Variants in RESF1 observed in about 807,000 individuals in gnomAD.
The protein encoded by RESF1 is retroelement silencing factor 1.
Under a neutral mutation model 134.7 loss-of-function variants are expected in RESF1, and 65 were observed. That is an observed-to-expected ratio of 0.48 (90% CI 0.40 to 0.59). The LOEUF (loss-of-function observed/expected upper bound fraction) is 0.59, where lower values mean the gene tolerates loss of function less well. Ranked by LOEUF, RESF1 falls within the 20% of genes least tolerant of loss-of-function variation. RESF1 has a pLI of 0.00. For synonymous variants in RESF1, 762 were observed against 702.2 expected (o/e 1.09, Z -1.35); for missense variants, 2,274 against 2,002.7 (o/e 1.14, Z -2.59).
At chr12:31,980,610 A>G (rs1311514711) in intron 3 of RESF1, among the ~76,000 whole-genome samples, 2 of 152,234 alleles carry the variant, frequency 1.3e-5, no homozygotes, top group Non-Finnish European at 2.9e-5. Context: ...TCTGTTAAAA[A>G]TAAGTAAAAA....
chr12:31,960,389 C>G (rs374934416), intron 1 of RESF1, among the ~76,000 whole-genome samples: 2 of 152,106 alleles, frequency 1.3e-5, no homozygotes, highest in African/African-American at 4.8e-5. Context: ...CATTTTTCTG[C>G]TAAATGTGTT....
intron 5 of RESF1, among the ~76,000 whole-genome samples, chr12:31,988,356 A>G (rs773715591): frequency 2.1e-4 from 32 of 152,224 alleles, no homozygotes; most frequent in Non-Finnish European, 3.7e-4. Flanking sequence ...TAATACAACC[A>G]TAAAAATAGA....
In RESF1 at chr12:31,981,247, G is replaced by C; in HGVS notation, c.292G>C (p.Val98Leu). Residue 98 changes from valine to leucine, a missense_variant, in exon 4 of 6, where the codon GTT (valine) becomes CTT (leucine). Val to Leu is a conservative substitution (Grantham distance 32, BLOSUM62 1). Transcript: ENST00000312561. The stretch of plus-strand genomic sequence containing the variant: ...AGTAGAAAGAATAACATATGCAAAT[G>C]TTAATGGACCCAAACAACTAACTCA... ...TSVERITYAN[V>L]NGPKQLTHNL... 1 of 1,614,152 alleles carries C rather than the reference G, an allele frequency of 6.2e-7. No individual in the cohort carries two copies. Among genetic ancestry groups the C allele is most frequent in the South Asian group, 1.1e-5 (1 of 91,078 alleles).
chr12:31,982,137 A>G lies in RESF1; in HGVS notation c.1182A>G (p.Val394=), dbSNP rs752547484. Residue 394 remains valine (V), a synonymous_variant, in exon 4 of 6, where the codon GTA becomes GTG. Transcript: ENST00000312561. ...CAAGTGTTGCAAAAGAAAAGCTAGTAAGGGATATTAAAACATTAGTAGAGA... is the reference window on the plus strand; with the variant it reads ...CAAGTGTTGCAAAAGAAAAGCTAGTGAGGGATATTAAAACATTAGTAGAGA... The part of the protein sequence containing the change: ...LDTSVAKEKL[V]RDIKTLVEIK... 1.2e-5 allele frequency: 20 copies of G among 1,613,778 alleles called. No individual in the cohort carries two copies. In the Admixed American group the frequency reaches 2.7e-4, roughly 22 times the overall value.
chr12:31,974,400 G>A (rs1939584279), intron 3 of RESF1, among the ~76,000 whole-genome samples: 1 of 152,060 alleles, frequency 6.6e-6, no homozygotes, highest in Non-Finnish European at 1.5e-5. Flanking sequence ...CAGACTGGGT[G>A]GAGAAATTTA....
Position 31,985,093 on chromosome 12 carries a change from G to C in RESF1, c.4138G>C (p.Gly1380Arg). 1 of 1,563,550 alleles carries C rather than the reference G, an allele frequency of 6.4e-7. No homozygotes were observed. The highest frequency in any genetic ancestry group is 8.6e-7 in the Non-Finnish European group (1 of 1,163,392). ...CAAACAAAAACGAAAGTTAGACCAA[G>C]GGAACGTATTAGATATGGAAGTAAA... Reference protein sequence around the residue: ...SFKQKRKLDQGNVLDMEVKKK... With the variant: ...SFKQKRKLDQRNVLDMEVKKK... The change falls in exon 4 of 6, where the codon GGG (glycine) becomes CGG (arginine). Residue 1380 changes from glycine (G) to arginine (R), a missense_variant. Transcript: ENST00000312561.
At chr12:31,968,222 A>T (rs11051706) in intron 2 of RESF1, among the ~76,000 whole-genome samples, 15,936 of 152,214 alleles carry the variant, frequency 0.1, 1,033 homozygotes, top group East Asian at 0.22. Context: ...AGTGGAACTT[A>T]AAAAGCCATA....
chr12:31,985,615 A>G lies in RESF1; in HGVS notation c.4660A>G (p.Lys1554Glu). The change falls in exon 4 of 6, where the codon AAA becomes GAA. Residue 1554 changes from lysine (K) to glutamate (E), a missense_variant. Transcript: ENST00000312561. ...QPDKIWIDKT[K>E]LDKLTNISNE... The stretch of plus-strand genomic sequence containing the variant: ...TGATAAAATATGGATTGATAAGACT[A>G]AATTAGACAAATTAACCAATATAAG... 6.2e-7 allele frequency: 1 copy of G among 1,608,250 alleles called. No individual in the cohort carries two copies. The highest frequency in any genetic ancestry group is 8.5e-7 in the Non-Finnish European group (1 of 1,178,712).
At chr12:31,979,205 C>T (rs1307757217) in intron 3 of RESF1, among the ~76,000 whole-genome samples, 1 of 152,184 alleles carries the variant, frequency 6.6e-6, no homozygotes, top group Admixed American at 6.5e-5. Context: ...CAGGCGTGAG[C>T]CACTGCACCT....
rs1939919445 is a variant in RESF1 at position 31,984,732 on chromosome 12, A to T, written c.3777A>T (p.Thr1259=). 6.2e-7 allele frequency: 1 copy of T among 1,609,124 alleles called. No individual in the cohort carries two copies. The highest frequency in any genetic ancestry group is 8.5e-7 in the Non-Finnish European group (1 of 1,179,002). ...PELQDDSRKD[T]PKTKHKSLPR... ...TACAAGACGACAGTAGAAAAGATAC[A>T]CCCAAAACAAAACATAAAAGCTTAC... is the stretch of plus-strand genomic sequence containing the variant. The change falls in exon 4 of 6, where the codon ACA becomes ACT. Residue 1259 remains threonine (T), a synonymous_variant. Transcript: ENST00000312561.
At position 31,982,015 on chromosome 12, in the gene RESF1, A is replaced by C; in HGVS notation, c.1060A>C (p.Ile354Leu). The part of the protein sequence containing the change: ...TNSKQPFNSP[I>L]RSSVDGVQTL... The stretch of plus-strand genomic sequence containing the variant: ...CAGCAAACAGCCTTTTAACAGTCCC[A>C]TTAGATCTTCTGTGGATGGTGTTCA... Residue 354 changes from isoleucine to leucine, a missense_variant, in exon 4 of 6, where the codon ATT becomes CTT. By Grantham distance (5) the Ile-to-Leu change is conservative. Transcript: ENST00000312561. The C allele has an allele frequency of 6.2e-7, 1 of 1,614,128 alleles. No homozygotes were observed. The highest frequency in any genetic ancestry group is 8.5e-7 in the Non-Finnish European group (1 of 1,179,976).
intron 3 of RESF1, among the ~76,000 whole-genome samples, chr12:31,977,466 C>T (rs557001338): frequency 8.2e-4 from 124 of 152,144 alleles, no homozygotes; most frequent in Non-Finnish European, 1.2e-3. Context: ...GATTTACAGG[C>T]GTGGGCCACC....
chr12:31,976,592 A>G (rs1939638963), intron 3 of RESF1, among the ~76,000 whole-genome samples: 1 of 152,096 alleles, frequency 6.6e-6, no homozygotes. Flanking sequence ...CTGAGACAGG[A>G]GAATCACTTG....
intron 5 of RESF1, among the ~76,000 whole-genome samples, chr12:31,987,969 A>G (rs10844083): frequency 0.17 from 25,829 of 152,050 alleles, 2,425 homozygotes; most frequent in Middle Eastern, 0.26. Flanking sequence ...TCCTGACATC[A>G]GGTAATCCAC....
At chr12:31,977,672 T>G (rs2120822760) in intron 3 of RESF1, among the ~76,000 whole-genome samples, 1 of 152,300 alleles carries the variant, frequency 6.6e-6, no homozygotes, top group Non-Finnish European at 1.5e-5. Context: ...TATATAAAAG[T>G]GTGTGTATGT....
chr12:31,979,132 G>T (rs1032699120), intron 3 of RESF1, among the ~76,000 whole-genome samples: 1 of 152,176 alleles, frequency 6.6e-6, no homozygotes, highest in Admixed American at 6.5e-5. Context: ...GTGTTAGCCA[G>T]GATGGTCTCG....
In RESF1 at chr12:31,984,228, T is replaced by A. The variant is rs1555111859; in HGVS notation, c.3273T>A (p.Asp1091Glu). The change falls in exon 4 of 6, where the codon GAT becomes GAA. Residue 1091 changes from aspartate to glutamate, a missense_variant. Physicochemically the swap from Asp to Glu is conservative, Grantham distance 45. Transcript: ENST00000312561. ...AGACCTCAGAAGATCAAACTGCTGA[T>A]AAAACCAGTTCTGACTCCAAAGACC... is the stretch of plus-strand genomic sequence containing the variant. ...TYQTSEDQTA[D>E]KTSSDSKDPA... 6.2e-7 allele frequency: 1 copy of A among 1,614,052 alleles called. No homozygotes were observed. Among genetic ancestry groups the A allele is most frequent in the Non-Finnish European group, 8.5e-7 (1 of 1,179,992 alleles).
Position 31,984,452 on chromosome 12 carries a change from A to G in RESF1, c.3497A>G (p.Glu1166Gly), listed in dbSNP as rs1267225531. 1 of 1,614,026 alleles carries G rather than the reference A, an allele frequency of 6.2e-7. No homozygotes were observed. The highest frequency in any genetic ancestry group is 2.2e-5 in the East Asian group (1 of 44,898). The change falls in exon 4 of 6, where the codon GAG becomes GGG. Residue 1166 changes from glutamate (E) to glycine (G), a missense_variant. Physicochemically the swap from Glu to Gly is moderately conservative, Grantham distance 98 (BLOSUM62 -2). Transcript: ENST00000312561. Reference protein sequence around the residue: ...QSRDSVILDSEKDDIHCCALG... With the variant: ...QSRDSVILDSGKDDIHCCALG... ...CGTGATTCTGTGATACTGGACTCTG[A>G]GAAAGATGATATCCACTGCTGTGCA...
chr12:31,988,246 T>C (rs532975375), intron 5 of RESF1, among the ~76,000 whole-genome samples: 34 of 152,310 alleles, frequency 2.2e-4, no homozygotes, highest in Middle Eastern at 3.4e-3. Context: ...CTTTTCAAAG[T>C]CCATTAAGTG....
Sources: allele counts gnomAD v4.1 joint callset (sites outside exome capture counted in the v4.1 genomes callset), GRCh38; gene constraint gnomAD v4.1.1; transcripts MANE v1.5; gene names NCBI Gene and HGNC (gene_info 2026-07-23, HGNC 2026-07-21).